Variants in MAP3K20 observed in about 807,000 individuals in gnomAD.
MAP3K20 encodes the protein HCCS-4.
A neutral mutation model predicts 85.7 loss-of-function variants in MAP3K20; 40 were observed. The observed-to-expected ratio is 0.47, with a 90% confidence interval of 0.36 to 0.61. The LOEUF (loss-of-function observed/expected upper bound fraction) is 0.61. MAP3K20 is among the 20% of genes least tolerant of loss of function. The pLI is 0.00. For missense variants in MAP3K20, 817 were observed against 961.7 expected (o/e 0.85, Z 1.99); for synonymous variants, 325 against 327.7 (o/e 0.99, Z 0.09).
At chr2:173,258,643 C>T in intron 16 of MAP3K20, 56 bp from the exon 17 acceptor site, 1 of 1,013,624 alleles carries the variant, frequency 9.9e-7, no homozygotes, top group Non-Finnish European at 1.5e-6. Flanking sequence ...AATATTGAGA[C>T]TAAAAAAAAA....
intron 2 of MAP3K20, among the ~76,000 whole-genome samples, chr2:173,128,516 G>A (rs1195199435): frequency 6.6e-6 from 1 of 151,956 alleles, no homozygotes; most frequent in Non-Finnish European, 1.5e-5. Flanking sequence ...ATTTTTAGTA[G>A]AGAGGAGGTT....
At chr2:173,263,639 A>T (rs1166333431) in intron 18 of MAP3K20, 106 bp from the exon 19 acceptor site, 2 of 1,137,746 alleles carry the variant, frequency 1.8e-6, no homozygotes, top group African/African-American at 1.6e-5. Context: ...CTGAAGTGAT[A>T]TAATAACCTG....
At chr2:173,121,680 C>T (rs922619713) in intron 2 of MAP3K20, among the ~76,000 whole-genome samples, 4 of 152,170 alleles carry the variant, frequency 2.6e-5, no homozygotes, top group Non-Finnish European at 4.4e-5. Context: ...AGCCACCGCG[C>T]CCGGCTGGAG....
intron 5 of MAP3K20, among the ~76,000 whole-genome samples, chr2:173,188,939 A>G (rs544438178): frequency 6.6e-6 from 1 of 152,316 alleles, no homozygotes; most frequent in East Asian, 1.9e-4. Flanking sequence ...TAAATCTTCT[A>G]CAAAAGAGGA....
chr2:173,237,248 C>T (rs1220624328), intron 14 of MAP3K20, among the ~76,000 whole-genome samples: 1 of 151,902 alleles, frequency 6.6e-6, no homozygotes, highest in Non-Finnish European at 1.5e-5. Context: ...AGGCTGGTCT[C>T]GAACTTCTGA....
intron 2 of MAP3K20, among the ~76,000 whole-genome samples, chr2:173,145,886 T>C (rs1296020714): frequency 6.6e-6 from 1 of 152,086 alleles, no homozygotes; most frequent in Non-Finnish European, 1.5e-5. Flanking sequence ...TAAAGACTGT[T>C]GATAAAATGG....
chr2:173,251,750 T>C (rs1053548821), intron 16 of MAP3K20, among the ~76,000 whole-genome samples: 7 of 152,202 alleles, frequency 4.6e-5, no homozygotes, highest in Non-Finnish European at 7.3e-5. Flanking sequence ...TGTACTGAAC[T>C]GTACAATTAA....
At chr2:173,144,518 AAAAAG>A (rs1689081530) in intron 2 of MAP3K20, among the ~76,000 whole-genome samples, 1 of 148,326 alleles carries the variant, frequency 6.7e-6, no homozygotes, top group Non-Finnish European at 1.5e-5. Context: ...AGAAAAGAAA[AAAAAG>A]AGAAAAGAAA....
intron 2 of MAP3K20, among the ~76,000 whole-genome samples, chr2:173,140,134 C>G (rs917081299): frequency 6.6e-5 from 10 of 152,052 alleles, no homozygotes; most frequent in Admixed American, 2.0e-4. Flanking sequence ...GCCTCAGCCT[C>G]CCGAGTAGCT....
chr2:173,145,218 G>T (rs1248409328), intron 2 of MAP3K20, among the ~76,000 whole-genome samples: 2 of 151,724 alleles, frequency 1.3e-5, no homozygotes, highest in Non-Finnish European at 2.9e-5. Context: ...TAAAATTCCA[G>T]CCTGGGTGAC....
At chr2:173,179,704 G>GCACACACACACA (rs71018541) in intron 3 of MAP3K20, among the ~76,000 whole-genome samples, 47 of 146,176 alleles carry the variant, frequency 3.2e-4, no homozygotes, top group African/African-American at 5.3e-4. Flanking sequence ...TAAGGAATGC[G>GCACACACACACA]CACACACACA....
chr2:173,180,436 G>T (rs1425590771), intron 3 of MAP3K20, among the ~76,000 whole-genome samples: 1 of 152,196 alleles, frequency 6.6e-6, no homozygotes, highest in African/African-American at 2.4e-5. Flanking sequence ...ACTGTAGAAG[G>T]CTGAGGTGAG....
intron 19 of MAP3K20, among the ~76,000 whole-genome samples, chr2:173,265,355 T>G (rs559256760): frequency 3.3e-5 from 5 of 152,394 alleles, no homozygotes; most frequent in African/African-American, 1.2e-4. Context: ...TATAGCTTAC[T>G]AAATGGTTCT....
intron 2 of MAP3K20, among the ~76,000 whole-genome samples, chr2:173,161,748 T>C (rs1016359575): frequency 3.3e-5 from 5 of 152,188 alleles, no homozygotes; most frequent in Admixed American, 2.6e-4. Flanking sequence ...ATTTCCAGTA[T>C]CCACATCTTT....
At chr2:173,210,248 G>A (rs1227139919) in intron 10 of MAP3K20, 2 of 175,682 alleles carry the variant, frequency 1.1e-5, no homozygotes, top group African/African-American at 2.4e-5. Flanking sequence ...AGCTACTCAG[G>A]AGGCTGAGGC....
intron 8 of MAP3K20, among the ~76,000 whole-genome samples, chr2:173,202,385 T>A (rs1691097008): frequency 6.6e-6 from 1 of 152,214 alleles, no homozygotes; most frequent in African/African-American, 2.4e-5. Flanking sequence ...TAGCTTCTCA[T>A]AGCCTCCCCC....
rs868259604 is a variant in MAP3K20 at position 173,093,793 on chromosome 2, T to G, written c.159+2603T>G. On this transcript the variant is annotated intron_variant, in intron 2 of 19. Coordinates refer to ENST00000375213, the MANE Select transcript of MAP3K20 (RefSeq NM_016653.3). ...AAGAAAATGTGGCACATATACACCA[T>G]GGAATACTATGCAGCCATAAAAATG... Among the ~76,000 whole-genome samples, 88 of 152,146 alleles carry G rather than the reference T, an allele frequency of 5.8e-4. 1 individual carries two copies. Among genetic ancestry groups the G allele is most frequent in the Admixed American group, 1.0e-3 (16 of 15,290 alleles).
At chr2:173,190,268 C>T (rs1248798846) in intron 5 of MAP3K20, among the ~76,000 whole-genome samples, 1 of 152,084 alleles carries the variant, frequency 6.6e-6, no homozygotes, top group Non-Finnish European at 1.5e-5. Flanking sequence ...TGTTCTTTGG[C>T]TCTATAGTAT....
chr2:173,107,199 CTG>C (rs1022559161), intron 2 of MAP3K20, among the ~76,000 whole-genome samples: 1 of 152,092 alleles, frequency 6.6e-6, no homozygotes, highest in African/African-American at 2.4e-5. Flanking sequence ...GGAAAGAGTA[CTG>C]TCTGGAGGTG....
Sources: allele counts gnomAD v4.1 joint callset (sites outside exome capture counted in the v4.1 genomes callset), GRCh38; gene constraint gnomAD v4.1.1; transcripts MANE v1.5; gene names NCBI Gene and HGNC (gene_info 2026-07-23, HGNC 2026-07-21).